PRKAR1B: variants seen among roughly 807,000 people sequenced by gnomAD.
PRKAR1B encodes the protein cAMP-dependent protein kinase type I-beta regulatory subunit.
PRKAR1B carries 22 observed loss-of-function variants against 46.5 expected under a neutral mutation model. The observed-to-expected ratio is 0.47, with a 90% CI of 0.34 to 0.68. PRKAR1B has a LOEUF of 0.68. Ranked by LOEUF, PRKAR1B falls within the 30% of genes least tolerant of loss-of-function variation. The pLI, the probability that PRKAR1B is intolerant of heterozygous loss-of-function variation, is 0.01. For missense variants in PRKAR1B, 445 were observed against 535.6 expected (o/e 0.83, Z 1.67); for synonymous variants, 259 against 217.7 (o/e 1.19, Z -1.67).
chr7:672,416 T>G (rs573852975), intron 4 of PRKAR1B, among the ~76,000 whole-genome samples: 2 of 151,690 alleles, frequency 1.3e-5, no homozygotes. Context: ...CCTCCCAGAG[T>G]GTTGGGATTA....
chr7:560,359 AAATAATAATAAT>A lies in PRKAR1B; in HGVS notation c.892-8901_892-8890del, dbSNP rs200894141. ...TAGCAGTGTTAGAATGAACTAATAC[AAATAATAATAAT>A]AATAATAATAATAATAATAAATATA... On this transcript the variant is annotated intron_variant, in intron 9 of 10. Transcript: ENST00000537384. This position sits in a 1 kb window ranked among gnomAD's most constrained non-coding sequence, Gnocchi z 4.2. Among the ~76,000 whole-genome samples the A allele has an allele frequency of 4.0e-4, 58 of 146,552 alleles. No individual in the cohort carries two copies. Among genetic ancestry groups the A allele is most frequent in the African/African-American group, 1.3e-3 (51 of 40,124 alleles).
At chr7:592,009 G>C (rs1463170002) in intron 7 of PRKAR1B, among the ~76,000 whole-genome samples, 1 of 152,242 alleles carries the variant, frequency 6.6e-6, no homozygotes, top group African/African-American at 2.4e-5. Flanking sequence ...AATGAGAAGA[G>C]AAAGAGGCCC....
chr7:727,022 A>G (rs1171107598), intron 1 of PRKAR1B, 188 bp downstream of exon 1: 2 of 1,190,816 alleles, frequency 1.7e-6, no homozygotes, highest in Non-Finnish European at 2.1e-6. Context: ...CACCTGCTGG[A>G]TCTGGGCCTG....
At chr7:595,787 G>A (rs1318360724) in intron 7 of PRKAR1B, among the ~76,000 whole-genome samples, 5 of 152,244 alleles carry the variant, frequency 3.3e-5, no homozygotes, top group Admixed American at 6.5e-5. Flanking sequence ...CAGCCACCGT[G>A]TCGGCAGGGA....
At chr7:663,223 AT>A (rs780144511) in intron 4 of PRKAR1B, among the ~76,000 whole-genome samples, 1 of 152,076 alleles carries the variant, frequency 6.6e-6, no homozygotes, top group African/African-American at 2.4e-5. Flanking sequence ...ATGTGTGTTT[AT>A]TTTTACTTAT....
chr7:586,450 T>G (rs1160953413), intron 7 of PRKAR1B, among the ~76,000 whole-genome samples: 2 of 152,244 alleles, frequency 1.3e-5, no homozygotes, highest in Non-Finnish European at 2.9e-5. Context: ...TGCTCTCTCC[T>G]GGATCGCTCA....
chr7:685,940 A>C (rs1418601170), intron 2 of PRKAR1B, among the ~76,000 whole-genome samples: 2 of 152,344 alleles, frequency 1.3e-5, no homozygotes, highest in East Asian at 3.9e-4. Flanking sequence ...TTCAGATAAC[A>C]AAAACATAAT....
rs781299416 is a variant in PRKAR1B, at chr7:550,487, A to G, written c.1089T>C (p.Ser363=). 37 of 1,598,256 alleles carry G rather than the reference A, an allele frequency of 2.3e-5. No individual in the cohort carries two copies. Among genetic ancestry groups the G allele is most frequent in the Non-Finnish European group, 3.0e-5 (35 of 1,172,614 alleles). The change falls in exon 11 of 11, where the codon TCT becomes TCC. Residue 363 remains serine, a synonymous_variant. Coordinates refer to ENST00000537384, the MANE Select transcript of PRKAR1B (RefSeq NM_001164760.2). ...PRFERVLGPC[S]EILKRNIQRY... ...GCTGAATGTTCCTCTTGAGGATCTCAGAGCAGGGCCCCAGCACACGCTCGA... is the reference window on the plus strand; with the variant it reads ...GCTGAATGTTCCTCTTGAGGATCTCGGAGCAGGGCCCCAGCACACGCTCGA...
chr7:685,176 AAGAC>A (rs987389810), intron 2 of PRKAR1B, among the ~76,000 whole-genome samples: 12 of 148,622 alleles, frequency 8.1e-5, no homozygotes, highest in African/African-American at 2.2e-4. Context: ...AAAAGAGACA[AAGAC>A]AGAGAAAAAC....
intron 6 of PRKAR1B, among the ~76,000 whole-genome samples, chr7:598,901 G>T (rs546792727): frequency 1.4e-3 from 219 of 152,362 alleles, no homozygotes; most frequent in African/African-American, 4.8e-3. Flanking sequence ...CCCTGCCTTG[G>T]CAAAGAGGAT....
chr7:653,964 T>A (rs976511739), intron 4 of PRKAR1B, among the ~76,000 whole-genome samples: 2 of 151,320 alleles, frequency 1.3e-5, no homozygotes, highest in Non-Finnish European at 2.9e-5. Flanking sequence ...ATCACCATCA[T>A]CATCCCTTCA....
At chr7:626,789 C>T (rs1378815410) in intron 4 of PRKAR1B, among the ~76,000 whole-genome samples, 2 of 152,020 alleles carry the variant, frequency 1.3e-5, no homozygotes, top group South Asian at 2.1e-4. Context: ...TAGCTCACTG[C>T]AGCCTTGACC....
intron 4 of PRKAR1B, among the ~76,000 whole-genome samples, chr7:650,442 C>G (rs144471070): frequency 6.6e-6 from 1 of 152,100 alleles, no homozygotes; most frequent in African/African-American, 2.4e-5. Flanking sequence ...AGCCCTCCAG[C>G]CTTCACACCG....
chr7:596,070 G>A, intron 7 of PRKAR1B, 76 bp downstream of exon 7: 1 of 1,538,962 alleles, frequency 6.5e-7, no homozygotes, highest in Non-Finnish European at 8.8e-7. Context: ...TCCCCACCTT[G>A]AATAGAGCTA....
chr7:555,580 C>G (rs1307738909), intron 9 of PRKAR1B, among the ~76,000 whole-genome samples: 1 of 152,194 alleles, frequency 6.6e-6, no homozygotes, highest in Non-Finnish European at 1.5e-5. Flanking sequence ...CTGTCTTTCC[C>G]TCCAGCCCGA....
At chr7:570,146 C>G (rs1021323452) in intron 9 of PRKAR1B, among the ~76,000 whole-genome samples, 1 of 152,342 alleles carries the variant, frequency 6.6e-6, no homozygotes, top group Non-Finnish European at 1.5e-5. Flanking sequence ...GCGGATCTCA[C>G]CTGCCCTGAC....
intron 4 of PRKAR1B, 94 bp from the exon 5 acceptor site, chr7:607,546 TC>T: frequency 9.3e-7 from 1 of 1,079,028 alleles, no homozygotes; most frequent in Non-Finnish European, 1.4e-6. Context: ...GTAAATCGCT[TC>T]ACAGTCATTG....
intron 2 of PRKAR1B, among the ~76,000 whole-genome samples, chr7:683,996 T>C (rs1209122015): frequency 6.6e-6 from 1 of 151,708 alleles, no homozygotes; most frequent in African/African-American, 2.4e-5. Context: ...CTTCTGCATA[T>C]GCCAACGCCT....
Position 579,238 on chromosome 7 carries a change from G to T in PRKAR1B, c.891+18C>A, listed in dbSNP as rs77767056. 6.2e-7 allele frequency: 1 copy of T among 1,613,976 alleles called. No individual in the cohort carries two copies. Among genetic ancestry groups the T allele is most frequent in the African/African-American group, 1.3e-5 (1 of 75,062 alleles). ...CCCAGTGCACACCCAGAGCGCCCAC[G>T]TGGGAAGCACGTCTCACCTCCGTGA... is the stretch of plus-strand genomic sequence containing the variant. On this transcript the variant is annotated intron_variant, in intron 9 of 10. Coordinates refer to ENST00000537384, the MANE Select transcript of PRKAR1B (RefSeq NM_001164760.2).
Sources: allele counts gnomAD v4.1 joint callset (sites outside exome capture counted in the v4.1 genomes callset), GRCh38; gene constraint gnomAD v4.1.1; non-coding constraint Gnocchi (gnomAD v3.1); transcripts MANE v1.5; gene names NCBI Gene and HGNC (gene_info 2026-07-23, HGNC 2026-07-21).